The following KIF6 variants were observed in gnomAD, a reference collection of about 807,000 sequenced individuals.
KIF6 encodes kinesin family member 6, also known as kinesin-like protein KIF6.
KIF6 carries 106 observed loss-of-function variants against 112.7 expected under a neutral mutation model. The observed-to-expected ratio is 0.94, with a 90% CI of 0.80 to 1.11. The LOEUF is 1.11. Among genes scored for constraint, KIF6 ranks in the 50% least tolerant of loss-of-function variants. The pLI, the probability that KIF6 is intolerant of heterozygous loss-of-function variation, is 0.00. For missense variants in KIF6, 929 were observed against 964.0 expected, an observed-to-expected ratio of 0.96 and a Z score of 0.48; for synonymous variants, 339 against 339.9, an observed-to-expected ratio of 1.00 and a Z score of 0.03.
chr6:39,390,980 A>G (rs1259010164), intron 15 of KIF6, among the ~76,000 whole-genome samples: 1 of 152,206 alleles, frequency 6.6e-6, no homozygotes, highest in African/African-American at 2.4e-5. Flanking sequence ...GGAGGATGTA[A>G]ATTCTTTGAA....
chr6:39,336,851 G>A (rs914111834), intron 22 of KIF6, among the ~76,000 whole-genome samples: 4 of 151,350 alleles, frequency 2.6e-5, no homozygotes, highest in African/African-American at 7.3e-5. Flanking sequence ...ACCGAGGCTG[G>A]AGTCTTGTCT....
At chr6:39,545,985 G>A (rs538229855) in intron 10 of KIF6, among the ~76,000 whole-genome samples, 2 of 152,212 alleles carry the variant, frequency 1.3e-5, no homozygotes, top group South Asian at 4.1e-4. Context: ...CCCTGTGCCT[G>A]GCTGCTGCAT....
intron 3 of KIF6, among the ~76,000 whole-genome samples, chr6:39,708,675 G>T (rs1400492957): frequency 6.6e-6 from 1 of 152,128 alleles, no homozygotes; most frequent in East Asian, 1.9e-4. Flanking sequence ...GTAAAACATA[G>T]ATTGGCTCTA....
intron 3 of KIF6, among the ~76,000 whole-genome samples, chr6:39,649,720 TTAAA>T (rs1403729532): frequency 2.0e-4 from 24 of 120,544 alleles, no homozygotes; most frequent in African/African-American, 6.7e-4. Flanking sequence ...AACACTCTGA[TTAAA>T]GAAAGAAAGA....
At chr6:39,501,035 C>T (rs1776101447) in intron 13 of KIF6, among the ~76,000 whole-genome samples, 2 of 152,140 alleles carry the variant, frequency 1.3e-5, no homozygotes, top group South Asian at 2.1e-4. Flanking sequence ...ACTGAAATAT[C>T]TAGGTTGTTG....
chr6:39,408,337 C>T (rs1769230426), intron 15 of KIF6, among the ~76,000 whole-genome samples: 1 of 152,126 alleles, frequency 6.6e-6, no homozygotes, highest in African/African-American at 2.4e-5. Flanking sequence ...TAAAAATACA[C>T]GTATACTGTT....
intron 13 of KIF6, among the ~76,000 whole-genome samples, chr6:39,452,388 C>A (rs1772760839): frequency 6.6e-6 from 1 of 152,186 alleles, no homozygotes; most frequent in Admixed American, 6.5e-5. Context: ...TAGTGACCAT[C>A]CTCTCTGCCC....
rs552771371 is a variant in KIF6, at chr6:39,368,694, T to C, written c.1862-6176A>G. 3.9e-5 allele frequency among the ~76,000 whole-genome samples: 6 copies of C among 152,304 alleles called. No individual in the cohort carries two copies. The South Asian group carries it at 1.2e-3, about 32-fold the overall frequency. On this transcript the variant is annotated intron_variant, in intron 16 of 22. Transcript: ENST00000287152. ...CTTGCCTGCTAGGTGTGAGGAGCTA[T>C]ATACCCACTCTCCAGGGTCAGCCCA...
At chr6:39,548,663 A>G (rs1330355558) in intron 10 of KIF6, among the ~76,000 whole-genome samples, 1 of 152,240 alleles carries the variant, frequency 6.6e-6, no homozygotes, top group Non-Finnish European at 1.5e-5. Context: ...AGTAGTTGAG[A>G]GTGAACAAAT....
chr6:39,345,413 C>T (rs1254669731), intron 21 of KIF6, among the ~76,000 whole-genome samples: 2 of 152,216 alleles, frequency 1.3e-5, no homozygotes, highest in Admixed American at 1.3e-4. Flanking sequence ...CTGCCCTGGG[C>T]TGGCTCTTTC....
rs188114184 is a variant in KIF6, at chr6:39,648,242, A to T, written c.252-8485T>A. Among the ~76,000 whole-genome samples the T allele has an allele frequency of 5.0e-4, 70 of 141,396 alleles. No individual in the cohort carries two copies. In the East Asian group the frequency reaches 0.014, roughly 28 times the overall value. The allele number at this position is 141,396 out of a possible 152,430, so 92.8% of individuals were successfully genotyped here. On this transcript the variant is annotated intron_variant, in intron 3 of 22. Coordinates refer to ENST00000287152, the MANE Select transcript of KIF6 (RefSeq NM_145027.6). Reference sequence around the variant, plus strand: ...GGCGGGCGGGGGGGGGTGCCTCACCATGTTGGCCAGGCTGGTCTCGAACTC... The same window carrying T: ...GGCGGGCGGGGGGGGGTGCCTCACCTTGTTGGCCAGGCTGGTCTCGAACTC...
intron 9 of KIF6, among the ~76,000 whole-genome samples, chr6:39,580,229 G>T (rs750685304): frequency 1.2e-4 from 18 of 151,656 alleles, no homozygotes; most frequent in Non-Finnish European, 2.5e-4. Context: ...TTTATATCAG[G>T]AATTTAAAAG....
chr6:39,629,356 T>C (rs2150749393), intron 5 of KIF6, among the ~76,000 whole-genome samples: 1 of 152,258 alleles, frequency 6.6e-6, no homozygotes, highest in South Asian at 2.1e-4. Context: ...TTTTAGATTT[T>C]AGCCAGTCTA....
At chr6:39,717,613 C>T (rs1022354457) in intron 2 of KIF6, among the ~76,000 whole-genome samples, 1 of 152,116 alleles carries the variant, frequency 6.6e-6, no homozygotes, top group African/African-American at 2.4e-5. Context: ...GTACATTTTG[C>T]TTACTGATCT....
In KIF6 at chr6:39,436,973, CA is replaced by C. The variant is rs370528430; in HGVS notation, c.1646-5813del. Among the ~76,000 whole-genome samples the C allele has an allele frequency of 5.8e-4, 89 of 152,192 alleles. No individual in the cohort carries two copies. In the East Asian group the frequency reaches 7.9e-3, roughly 14 times the overall value. On this transcript the variant is annotated intron_variant, in intron 13 of 22. Coordinates refer to ENST00000287152, the MANE Select transcript of KIF6 (RefSeq NM_145027.6). ...GCTTTAGGCAGTATTGTCATTTTCACAACATTAATTCTTCTGATTCATGAGC... is the reference window on the plus strand; with the variant it reads ...GCTTTAGGCAGTATTGTCATTTTCACACATTAATTCTTCTGATTCATGAGC...
At chr6:39,583,874 C>T (rs201062072) in intron 9 of KIF6, among the ~76,000 whole-genome samples, 20 of 151,554 alleles carry the variant, frequency 1.3e-4, no homozygotes, top group African/African-American at 4.6e-4. Context: ...ATTTCATTTA[C>T]AGAAAACTAA....
At chr6:39,337,335 C>T (rs375875210) in intron 22 of KIF6, among the ~76,000 whole-genome samples, 6 of 142,732 alleles carry the variant, frequency 4.2e-5, no homozygotes, top group Middle Eastern at 3.6e-3. Context: ...TCTTTCTGGA[C>T]GGAGTCTTGC....
At chr6:39,601,808 T>C (rs1000620544) in intron 6 of KIF6, among the ~76,000 whole-genome samples, 23 of 152,084 alleles carry the variant, frequency 1.5e-4, no homozygotes, top group Admixed American at 4.6e-4. Flanking sequence ...CTATTGGATC[T>C]TGGTCTTTTT....
chr6:39,343,174 C>A lies in KIF6; in HGVS notation c.2428+535G>T, dbSNP rs941531052. ...GGGTGGAGGGGGCAGTGATGCAGAC[C>A]AAGAAGAGCCTTCTTCTCTTCCTGT... On this transcript the variant is annotated intron_variant, in intron 22 of 22. Coordinates refer to ENST00000287152, the MANE Select transcript of KIF6 (RefSeq NM_145027.6). This position sits in a 1 kb window ranked among gnomAD's most constrained non-coding sequence, Gnocchi z 4.1. The A allele has an allele frequency of 9.1e-6, 9 of 985,310 alleles. No homozygotes were observed. In the Middle Eastern group the frequency reaches 2.1e-3, roughly 229 times the overall value. The allele number at this position is 985,310 out of a possible 1,614,324, so 61.0% of individuals were successfully genotyped here.
Sources: allele counts gnomAD v4.1 joint callset (sites outside exome capture counted in the v4.1 genomes callset), GRCh38; gene constraint gnomAD v4.1.1; non-coding constraint Gnocchi (gnomAD v3.1); transcripts MANE v1.5; gene names NCBI Gene and HGNC (gene_info 2026-07-23, HGNC 2026-07-21).